ADGRL3: variants seen among roughly 807,000 people sequenced by gnomAD.
The protein encoded by ADGRL3 is adhesion G protein-coupled receptor L3.
In ADGRL3, 62 loss-of-function variants were observed where a neutral mutation model predicts 153.5. The ratio of observed to expected loss-of-function variants is 0.40; its 90% confidence interval spans 0.33 to 0.50. The LOEUF (loss-of-function observed/expected upper bound fraction) is 0.50, where lower values mean the gene tolerates loss of function less well. Among genes scored for constraint, ADGRL3 ranks in the 20% least tolerant of loss-of-function variants. The probability of loss-of-function intolerance (pLI) is 0.47; values close to 1 mark genes in which losing one functional copy is unlikely to be tolerated. For missense variants in ADGRL3, 1,641 were observed against 1,859.4 expected, an observed-to-expected ratio of 0.88 and a Z score of 2.16; for synonymous variants, 710 against 672.5, an observed-to-expected ratio of 1.06 and a Z score of -0.86.
At chr4:61,465,855 C>CTCA (rs2097875783) in intron 2 of ADGRL3, among the ~76,000 whole-genome samples, 1 of 150,838 alleles carries the variant, frequency 6.6e-6, no homozygotes, top group South Asian at 2.1e-4. Flanking sequence ...GGCGCAGTGT[C>CTCA]TCACGCCTGT....
At chr4:61,938,386 C>G (rs928677094) in intron 15 of ADGRL3, among the ~76,000 whole-genome samples, 9 of 152,108 alleles carry the variant, frequency 5.9e-5, no homozygotes, top group Non-Finnish European at 1.2e-4. Context: ...TTGCTCAGTA[C>G]TGTATTAACA....
At chr4:61,319,488 G>A (rs1208008404) in intron 1 of ADGRL3, among the ~76,000 whole-genome samples, 1 of 152,264 alleles carries the variant, frequency 6.6e-6, no homozygotes, top group Middle Eastern at 3.4e-3. Context: ...ACTTCACCAT[G>A]TTGTGTTAGT....
chr4:62,037,015 G>A (rs577610922), intron 23 of ADGRL3, among the ~76,000 whole-genome samples: 201 of 151,950 alleles, frequency 1.3e-3, no homozygotes, highest in Non-Finnish European at 2.6e-3. Flanking sequence ...CTACAACCAA[G>A]ATTAAGTATT....
chr4:61,276,672 T>C (rs1171657601), intron 1 of ADGRL3, among the ~76,000 whole-genome samples: 4 of 152,184 alleles, frequency 2.6e-5, no homozygotes, highest in Non-Finnish European at 1.5e-5. Context: ...GGTTTATTTT[T>C]CTTGTTTAGA....
intron 2 of ADGRL3, among the ~76,000 whole-genome samples, chr4:61,448,209 A>T (rs2097610841): frequency 6.6e-6 from 1 of 152,194 alleles, no homozygotes; most frequent in South Asian, 2.1e-4. Flanking sequence ...CTTTCAAGTC[A>T]TACACAGTCA....
At chr4:61,899,671 C>G (rs2098653062) in intron 11 of ADGRL3, among the ~76,000 whole-genome samples, 1 of 152,128 alleles carries the variant, frequency 6.6e-6, no homozygotes, top group Admixed American at 6.6e-5. Context: ...AACAAACAAA[C>G]AAACCAACCA....
intron 2 of ADGRL3, among the ~76,000 whole-genome samples, chr4:61,406,024 A>G (rs1044713988): frequency 1.3e-5 from 2 of 152,038 alleles, no homozygotes; most frequent in African/African-American, 4.8e-5. Context: ...CATTTTATAC[A>G]TTCACTCACT....
intron 22 of ADGRL3, among the ~76,000 whole-genome samples, chr4:62,029,213 C>T (rs929227477): frequency 5.3e-5 from 8 of 151,622 alleles, no homozygotes; most frequent in Non-Finnish European, 8.9e-5. Context: ...CACATACGTC[C>T]GCTTTTCTGT....
intron 4 of ADGRL3, among the ~76,000 whole-genome samples, chr4:61,583,243 G>T (rs1405069841): frequency 6.6e-6 from 1 of 151,952 alleles, no homozygotes; most frequent in Non-Finnish European, 1.5e-5. Context: ...AGACCAAGAG[G>T]AGTCACCTGA....
chr4:61,464,602 TA>T (rs2097858293), intron 2 of ADGRL3, among the ~76,000 whole-genome samples: 1 of 152,146 alleles, frequency 6.6e-6, no homozygotes, highest in African/African-American at 2.4e-5. Context: ...TTTCTATTAT[TA>T]AAAAATAATA....
At chr4:61,417,298 G>A (rs1001476809) in intron 2 of ADGRL3, among the ~76,000 whole-genome samples, 6 of 151,998 alleles carry the variant, frequency 3.9e-5, no homozygotes, top group Admixed American at 6.6e-5. Flanking sequence ...GACCAGCCTG[G>A]GCAACATAGT....
intron 6 of ADGRL3, among the ~76,000 whole-genome samples, chr4:61,712,658 C>T (rs1178259366): frequency 1.3e-5 from 2 of 152,154 alleles, no homozygotes; most frequent in African/African-American, 4.8e-5. Context: ...TAATTCACTA[C>T]CATATATCCC....
intron 1 of ADGRL3, among the ~76,000 whole-genome samples, chr4:61,351,193 G>A (rs2096041133): frequency 6.6e-6 from 1 of 152,186 alleles, no homozygotes; most frequent in Non-Finnish European, 1.5e-5. Flanking sequence ...ATTCCCTTAA[G>A]CCAAAGCCTA....
chr4:61,290,673 AG>A (rs2094140787), intron 1 of ADGRL3, among the ~76,000 whole-genome samples: 1 of 150,428 alleles, frequency 6.6e-6, no homozygotes, highest in Non-Finnish European at 1.5e-5. Flanking sequence ...AAAGGAAGGA[AG>A]GAAGGAAGGA....
chr4:61,625,824 G>A (rs975434089), intron 5 of ADGRL3, among the ~76,000 whole-genome samples: 4 of 152,014 alleles, frequency 2.6e-5, no homozygotes, highest in African/African-American at 7.2e-5. Flanking sequence ...GTGGGTGTTG[G>A]TATTCTAGGC....
chr4:61,732,108 C>T (rs2096453053), intron 7 of ADGRL3, among the ~76,000 whole-genome samples: 1 of 152,022 alleles, frequency 6.6e-6, no homozygotes, highest in Non-Finnish European at 1.5e-5. Flanking sequence ...TTTCTTCTTT[C>T]CTTATTCCTT....
chr4:61,501,003 A>C (rs2098381267), intron 3 of ADGRL3, among the ~76,000 whole-genome samples: 1 of 152,112 alleles, frequency 6.6e-6, no homozygotes, highest in Non-Finnish European at 1.5e-5. Flanking sequence ...CAACTCTCCT[A>C]GTCACTTGGG....
chr4:61,218,374 G>A (rs1031395751), intron 1 of ADGRL3, among the ~76,000 whole-genome samples: 4 of 151,970 alleles, frequency 2.6e-5, no homozygotes, highest in African/African-American at 7.2e-5. Flanking sequence ...GCAGCAGCAC[G>A]ATTATGGCTC....
At chr4:61,504,311 T>C (rs2098412669) in intron 3 of ADGRL3, among the ~76,000 whole-genome samples, 1 of 152,224 alleles carries the variant, frequency 6.6e-6, no homozygotes, top group Non-Finnish European at 1.5e-5. Flanking sequence ...TACTCATGTA[T>C]TTGATTCCTC....
Sources: gnomAD v4.1 joint callset for allele counts (sites outside exome capture counted in the v4.1 genomes callset) on GRCh38, gnomAD v4.1.1 for gene constraint, MANE v1.5 for transcripts, NCBI Gene and HGNC (gene_info 2026-07-23, HGNC 2026-07-21) for gene names.